The following NREP variants were observed in gnomAD, a reference collection of about 807,000 sequenced individuals.
NREP encodes neuronal regeneration related protein, also known as neuronal regeneration-related protein.
In NREP, 5 loss-of-function variants were observed where a neutral mutation model predicts 8.6. That is an observed-to-expected ratio of 0.58 (90% CI 0.30 to 1.22). NREP has a LOEUF of 1.22. Ranked by LOEUF, NREP falls within the 50% of genes most tolerant of loss-of-function variation. The pLI, the probability that NREP is intolerant of heterozygous loss-of-function variation, is 0.07. For synonymous variants in NREP, 27 were observed against 28.0 expected, an observed-to-expected ratio of 0.96 and a Z score of 0.11; for missense variants, 86 against 82.5, an observed-to-expected ratio of 1.04 and a Z score of -0.17.
intron 2 of NREP, among the ~76,000 whole-genome samples, chr5:111,848,499 GAA>G (rs1334023618): frequency 2.6e-5 from 4 of 152,104 alleles, no homozygotes; most frequent in African/African-American, 9.7e-5. Context: ...ATACAAAAGA[GAA>G]AGTGCTGATG....
chr5:111,916,541 A>T (rs1755064304), intron 2 of NREP, among the ~76,000 whole-genome samples: 1 of 152,130 alleles, frequency 6.6e-6, no homozygotes, highest in Admixed American at 6.6e-5. Flanking sequence ...ATTGTATCCG[A>T]CTGTTTAAAC....
At chr5:111,768,487 A>C (rs1016408112) in intron 2 of NREP, among the ~76,000 whole-genome samples, 1 of 152,170 alleles carries the variant, frequency 6.6e-6, no homozygotes, top group African/African-American at 2.4e-5. Flanking sequence ...ACAGTACCTT[A>C]AAGTTAGTTT....
intron 2 of NREP, among the ~76,000 whole-genome samples, chr5:111,736,175 G>A (rs892243657): frequency 3.9e-5 from 6 of 152,184 alleles, no homozygotes; most frequent in Admixed American, 6.5e-5. Flanking sequence ...TTGCCGACCA[G>A]CTGTTCTCCA....
At chr5:111,880,501 GT>G (rs1376397038) in intron 2 of NREP, among the ~76,000 whole-genome samples, 1 of 151,994 alleles carries the variant, frequency 6.6e-6, no homozygotes, top group Non-Finnish European at 1.5e-5. Context: ...TTGCATGGTC[GT>G]CCTTCTGTCT....
intron 2 of NREP, among the ~76,000 whole-genome samples, chr5:111,955,500 A>C (rs766453453): frequency 4.1e-4 from 20 of 49,290 alleles, no homozygotes; most frequent in African/African-American, 6.2e-4. Context: ...AAAAAACAAA[A>C]AAAAAAAACA....
chr5:111,828,605 G>A (rs1404332759), intron 2 of NREP, among the ~76,000 whole-genome samples: 3 of 151,982 alleles, frequency 2.0e-5, no homozygotes, highest in African/African-American at 2.4e-5. Context: ...AGCAATTACC[G>A]TTGATTGCTT....
At chr5:111,884,054 C>T (rs1754168005) in intron 2 of NREP, among the ~76,000 whole-genome samples, 2 of 151,892 alleles carry the variant, frequency 1.3e-5, no homozygotes, top group African/African-American at 4.8e-5. Flanking sequence ...TTGAAAGGAT[C>T]AACAAAACTG....
rs1009383195 is a variant in NREP at position 111,730,955 on chromosome 5, C to T, written c.173G>A (p.Arg58His). ...SLTPLGSSEL[R>H]SPRISYLHFF Reference sequence around the variant, plus strand: ...GTGGAGGTAACTGATTCTTGGGGAGCGGAGTTCACTGCTGCCCAGTGGAGT... The same window carrying T: ...GTGGAGGTAACTGATTCTTGGGGAGTGGAGTTCACTGCTGCCCAGTGGAGT... Residue 58 changes from arginine to histidine, a missense_variant, in exon 4 of 4, where the codon CGC becomes CAC. By Grantham distance (29) the Arg-to-His change is conservative. Coordinates refer to ENST00000257435, the MANE Select transcript of NREP (RefSeq NM_004772.4). The T allele has an allele frequency of 1.6e-5, 26 of 1,613,702 alleles. No individual in the cohort carries two copies. The highest frequency in any genetic ancestry group is 2.1e-5 in the Non-Finnish European group (25 of 1,179,822).
chr5:111,878,392 G>C (rs748758746), intron 2 of NREP, among the ~76,000 whole-genome samples: 3 of 152,068 alleles, frequency 2.0e-5, no homozygotes, highest in Non-Finnish European at 4.4e-5. Context: ...AGAGCAACAG[G>C]GTGAAGGAGG....
intron 2 of NREP, among the ~76,000 whole-genome samples, chr5:111,879,984 A>G (rs1455014429): frequency 6.6e-6 from 1 of 152,246 alleles, no homozygotes; most frequent in African/African-American, 2.4e-5. Flanking sequence ...GCTTCAACAT[A>G]TGAATTTGGG....
chr5:111,740,462 C>T (rs1423005749), intron 2 of NREP, among the ~76,000 whole-genome samples: 2 of 152,086 alleles, frequency 1.3e-5, no homozygotes, highest in Non-Finnish European at 2.9e-5. Context: ...CCCTCCCTTC[C>T]TTCTTTCCTT....
intron 2 of NREP, among the ~76,000 whole-genome samples, chr5:111,970,194 A>T (rs1161173046): frequency 2.0e-5 from 3 of 152,166 alleles, no homozygotes; most frequent in Non-Finnish European, 4.4e-5. Flanking sequence ...TGTAAAATAA[A>T]TCTGGTACTG....
chr5:111,789,931 T>C (rs530464877), intron 2 of NREP, among the ~76,000 whole-genome samples: 12 of 152,114 alleles, frequency 7.9e-5, no homozygotes, highest in African/African-American at 2.9e-4. Context: ...AGATTTGACA[T>C]GAATAAAATA....
intron 2 of NREP, among the ~76,000 whole-genome samples, chr5:111,771,401 C>T (rs1034211442): frequency 3.3e-5 from 5 of 150,832 alleles, no homozygotes; most frequent in Non-Finnish European, 5.9e-5. Flanking sequence ...AGCAGAACTG[C>T]CTGGTGAGAG....
intron 2 of NREP, among the ~76,000 whole-genome samples, chr5:111,825,432 T>C (rs560865297): frequency 6.6e-5 from 10 of 152,248 alleles, no homozygotes; most frequent in African/African-American, 2.4e-4. Flanking sequence ...ACAACTGCAA[T>C]GACATGTTTT....
chr5:111,774,801 T>C (rs973066320), intron 2 of NREP, among the ~76,000 whole-genome samples: 1 of 152,226 alleles, frequency 6.6e-6, no homozygotes, highest in East Asian at 1.9e-4. Flanking sequence ...TTCTGATTTC[T>C]ACCTTGTAAG....
intron 2 of NREP, among the ~76,000 whole-genome samples, chr5:111,917,586 T>C (rs1755098390): frequency 6.6e-6 from 1 of 152,120 alleles, no homozygotes; most frequent in Admixed American, 6.6e-5. Context: ...ATCCATCACA[T>C]AAACAGAACC....
intron 2 of NREP, among the ~76,000 whole-genome samples, chr5:111,802,444 G>T (rs1472123679): frequency 6.6e-6 from 1 of 152,294 alleles, no homozygotes; most frequent in East Asian, 1.9e-4. Context: ...TCTAAGAAAT[G>T]GACTTGGTAC....
chr5:111,765,126 G>T (rs1249858311), intron 2 of NREP, among the ~76,000 whole-genome samples: 1 of 152,160 alleles, frequency 6.6e-6, no homozygotes, highest in African/African-American at 2.4e-5. Context: ...AAGGTTGGGG[G>T]TATGGTTTTG....
Sources: gnomAD v4.1 joint callset for allele counts (sites outside exome capture counted in the v4.1 genomes callset) on GRCh38, gnomAD v4.1.1 for gene constraint, MANE v1.5 for transcripts, NCBI Gene and HGNC (gene_info 2026-07-23, HGNC 2026-07-21) for gene names.